FAM120A: variants seen among roughly 807,000 people sequenced by gnomAD.
The protein encoded by FAM120A is family with sequence similarity 120 member A.
In FAM120A, 15 loss-of-function variants were observed where a neutral mutation model predicts 109.7. That is an observed-to-expected ratio of 0.14 (90% CI 0.09 to 0.21). FAM120A has a LOEUF of 0.21. Ranked by LOEUF, FAM120A falls within the 10% of genes least tolerant of loss-of-function variation. FAM120A has a pLI of 1.00. For synonymous variants in FAM120A, 493 were observed against 572.8 expected (o/e 0.86, Z 1.99); for missense variants, 899 against 1,439.3 (o/e 0.62, Z 6.07).
intron 3 of FAM120A, among the ~76,000 whole-genome samples, chr9:93,493,835 GC>G (rs144790953): frequency 0.021 from 3,262 of 152,318 alleles, 114 homozygotes; most frequent in African/African-American, 0.074. Flanking sequence ...TTCGCAGTCA[GC>G]CAGCTTCTGT....
Position 93,564,565 on chromosome 9 carries a change from GA to G in FAM120A, c.*26del. On this transcript the variant is annotated 3_prime_UTR_variant, in exon 18 of 18. Transcript: ENST00000277165. The stretch of plus-strand genomic sequence containing the variant: ...AACTTATTTTTTATAGAGGGTGAAG[GA>G]TGCTGGAAGGGTAAGGATTTAGGAA... 6.4e-7 allele frequency: 1 copy of G among 1,562,340 alleles called. No homozygotes were observed. Among genetic ancestry groups the G allele is most frequent in the Non-Finnish European group, 8.7e-7 (1 of 1,143,724 alleles).
Position 93,529,500 on chromosome 9 carries a change from G to T in FAM120A, c.1654G>T (p.Ala552Ser). ...DITTPPLPPV[A>S]PEVLRVAEHR... The stretch of plus-strand genomic sequence containing the variant: ...CACCACACCTCCCCTGCCCCCCGTC[G>T]CACCTGAGGTGCTGAGAGTGGCCGA... Residue 552 changes from alanine to serine, a missense_variant, in exon 9 of 18, where the codon GCA (alanine) becomes TCA (serine). Physicochemically the swap from Ala to Ser is moderately conservative, Grantham distance 99. This residue lies in a region of FAM120A where 133 missense variants were observed against 276.6 expected (regional missense o/e 0.48). Transcript: ENST00000277165. 3 of 1,614,200 alleles carry T rather than the reference G, an allele frequency of 1.9e-6. No homozygotes were observed. The highest frequency in any genetic ancestry group is 2.5e-6 in the Non-Finnish European group (3 of 1,180,028).
chr9:93,509,901 A>G (rs527488585), intron 5 of FAM120A, among the ~76,000 whole-genome samples: 2 of 152,328 alleles, frequency 1.3e-5, no homozygotes, highest in South Asian at 4.1e-4. Context: ...CCTCATACAT[A>G]TGGAATAATT....
chr9:93,510,841 A>T (rs967741926), intron 5 of FAM120A, among the ~76,000 whole-genome samples: 2 of 151,372 alleles, frequency 1.3e-5, no homozygotes, highest in African/African-American at 4.9e-5. Flanking sequence ...TAAACCCAGG[A>T]ACTGAATACA....
intron 3 of FAM120A, among the ~76,000 whole-genome samples, chr9:93,484,309 C>T (rs1858941833): frequency 6.6e-6 from 1 of 152,146 alleles, no homozygotes. Flanking sequence ...TATGCTCCTT[C>T]CTTGTTACAG....
At chr9:93,492,126 A>G (rs1292738283) in intron 3 of FAM120A, among the ~76,000 whole-genome samples, 2 of 152,046 alleles carry the variant, frequency 1.3e-5, no homozygotes, top group African/African-American at 4.8e-5. Context: ...ACTTGTAAGT[A>G]TATTGATAAC....
intron 1 of FAM120A, among the ~76,000 whole-genome samples, chr9:93,468,049 T>A (rs10992745): frequency 3.0e-3 from 452 of 151,982 alleles, no homozygotes; most frequent in Non-Finnish European, 4.9e-3. Flanking sequence ...GCCTGGCTAA[T>A]TTTTTTGTAT....
intron 3 of FAM120A, among the ~76,000 whole-genome samples, chr9:93,486,319 A>C (rs1044557351): frequency 2.0e-5 from 3 of 151,838 alleles, no homozygotes; most frequent in Admixed American, 2.0e-4. Context: ...CATTGTGTGA[A>C]TATATGACAT....
At chr9:93,457,967 A>G (rs1857624759) in intron 1 of FAM120A, among the ~76,000 whole-genome samples, 1 of 152,098 alleles carries the variant, frequency 6.6e-6, no homozygotes, top group Non-Finnish European at 1.5e-5. Flanking sequence ...CTTCCATAGT[A>G]TATTCTTCAT....
chr9:93,565,850 C>T lies in FAM120A; in HGVS notation c.*1310C>T, dbSNP rs1270314481. The T allele has an allele frequency of 1.3e-5, 2 of 152,704 alleles. No individual in the cohort carries two copies. Among genetic ancestry groups the T allele is most frequent in the Admixed American group, 6.5e-5 (1 of 15,296 alleles). The allele number at this position is 152,704 out of a possible 1,614,324, so 9.5% of individuals were successfully genotyped here. A position where few individuals can be genotyped will look rare whatever the true frequency, so the allele number is the denominator to read the frequency against. ...ACAATGTACTTTGAAATCAGAATCA[C>T]TTCTTATCGTTTTCATATACTTCTG... is the stretch of plus-strand genomic sequence containing the variant. On this transcript the variant is annotated 3_prime_UTR_variant, in exon 18 of 18. Transcript: ENST00000277165.
intron 7 of FAM120A, among the ~76,000 whole-genome samples, chr9:93,522,652 C>T (rs1860892216): frequency 1.3e-5 from 2 of 152,110 alleles, no homozygotes; most frequent in Admixed American, 1.3e-4. Context: ...TTTTTTTCCA[C>T]CTTGTGACCT....
At chr9:93,550,533 G>A (rs376443239) in intron 11 of FAM120A, 44 bp from the exon 12 acceptor site, 36 of 1,484,514 alleles carry the variant, frequency 2.4e-5, no homozygotes, top group Non-Finnish European at 3.2e-5. Flanking sequence ...TATGACGGGC[G>A]ACCACTCAGT....
At chr9:93,457,107 T>C (rs1857582567) in intron 1 of FAM120A, among the ~76,000 whole-genome samples, 1 of 152,238 alleles carries the variant, frequency 6.6e-6, no homozygotes, top group African/African-American at 2.4e-5. Flanking sequence ...ACTGTGTATA[T>C]GTACCACATT....
At chr9:93,490,881 A>G (rs1453292992) in intron 3 of FAM120A, among the ~76,000 whole-genome samples, 3 of 152,122 alleles carry the variant, frequency 2.0e-5, no homozygotes, top group Non-Finnish European at 2.9e-5. Flanking sequence ...TGGAGTAGTC[A>G]CCAGGCAGCT....
In FAM120A at chr9:93,498,133, G is replaced by T. The variant is rs907787527; in HGVS notation, c.933+534G>T. ...AATGCAGCCAGGCACGGTGGCTCAT[G>T]CCTGTAATCCCAGTACTCTGGGAGG... On this transcript the variant is annotated intron_variant, in intron 4 of 17. Coordinates refer to ENST00000277165, the MANE Select transcript of FAM120A (RefSeq NM_014612.5). This position sits in a 1 kb window ranked among gnomAD's most constrained non-coding sequence, Gnocchi z 4.4. Among the ~76,000 whole-genome samples, 1 of 152,190 alleles carries T rather than the reference G, an allele frequency of 6.6e-6. No individual in the cohort carries two copies. Among genetic ancestry groups the T allele is most frequent in the South Asian group, 2.1e-4 (1 of 4,834 alleles).
At chr9:93,477,612 C>G (rs1858602918) in intron 3 of FAM120A, among the ~76,000 whole-genome samples, 1 of 152,192 alleles carries the variant, frequency 6.6e-6, no homozygotes, top group Admixed American at 6.5e-5. Context: ...GAGCACTGCA[C>G]CTGTGCTCAG....
chr9:93,477,364 A>T (rs577066264), intron 3 of FAM120A, among the ~76,000 whole-genome samples: 1 of 152,124 alleles, frequency 6.6e-6, no homozygotes, highest in Admixed American at 6.5e-5. Context: ...CATCTCTGGC[A>T]TGCTATAAAA....
chr9:93,530,761 A>G (rs1861295244), intron 9 of FAM120A: 1 of 152,202 alleles, frequency 6.6e-6, no homozygotes, highest in Non-Finnish European at 1.5e-5. Context: ...TGTGGGGAAA[A>G]CATTTTGCTA....
At chr9:93,553,435 T>C (rs1264960640) in intron 12 of FAM120A, among the ~76,000 whole-genome samples, 1 of 152,234 alleles carries the variant, frequency 6.6e-6, no homozygotes, top group Non-Finnish European at 1.5e-5. Flanking sequence ...AAGAATTATT[T>C]TGCATATAGG....
Sources: gnomAD v4.1 joint callset for allele counts (sites outside exome capture counted in the v4.1 genomes callset) on GRCh38, gnomAD v4.1.1 for gene constraint, gnomAD v4.1.1 regional missense constraint, Gnocchi (gnomAD v3.1) non-coding constraint, MANE v1.5 for transcripts, NCBI Gene and HGNC (gene_info 2026-07-23, HGNC 2026-07-21) for gene names.